RIC1: variants seen among roughly 807,000 people sequenced by gnomAD.
The protein encoded by RIC1 is guanine nucleotide exchange factor subunit RIC1.
RIC1 carries 88 observed loss-of-function variants against 169.0 expected under a neutral mutation model. The observed-to-expected ratio is 0.52, with a 90% CI of 0.44 to 0.62. RIC1 has a LOEUF of 0.62. RIC1 is among the 20% of genes least tolerant of loss of function. The pLI is 0.00. For missense variants in RIC1, 1,877 were observed against 1,725.5 expected, an observed-to-expected ratio of 1.09 and a Z score of -1.56; for synonymous variants, 790 against 601.5, an observed-to-expected ratio of 1.31 and a Z score of -4.59.
At chr9:5,730,428 A>T (rs1824296777) in intron 6 of RIC1, among the ~76,000 whole-genome samples, 2 of 152,194 alleles carry the variant, frequency 1.3e-5, no homozygotes, top group Admixed American at 1.3e-4. Context: ...GATCTTACAG[A>T]CATGGTAAGC....
intron 1 of RIC1, among the ~76,000 whole-genome samples, chr9:5,650,527 C>A (rs555033279): frequency 6.6e-6 from 1 of 151,864 alleles, no homozygotes; most frequent in Admixed American, 6.6e-5. Context: ...GGGTTGGTGT[C>A]GGTGTCAGTA....
chr9:5,690,015 C>T lies in RIC1; in HGVS notation c.309C>T (p.Tyr103=). The change falls in exon 3 of 26, where the codon TAC becomes TAT. Residue 103 remains tyrosine, a synonymous_variant. Coordinates refer to ENST00000414202, the MANE Select transcript of RIC1 (RefSeq NM_020829.4). The part of the protein sequence containing the change: ...FHITSTRGDK[Y]LYEPVYPKGS... Reference sequence around the variant, plus strand: ...TTACATCTACAAGAGGGGACAAGTACCTTTATGAACCAGTGTATCCCAAGT... The same window carrying T: ...TTACATCTACAAGAGGGGACAAGTATCTTTATGAACCAGTGTATCCCAAGT... 6.3e-7 allele frequency: 1 copy of T among 1,598,868 alleles called. No individual in the cohort carries two copies. The highest frequency in any genetic ancestry group is 8.5e-7 in the Non-Finnish European group (1 of 1,174,442).
intron 13 of RIC1, 110 bp downstream of exon 13, chr9:5,753,348 C>T (rs943001293): frequency 9.9e-7 from 1 of 1,011,604 alleles, no homozygotes; most frequent in Middle Eastern, 2.1e-4. Context: ...AACTCTTGAT[C>T]TATTGTAACA....
chr9:5,664,036 A>G (rs1281003007), intron 2 of RIC1, among the ~76,000 whole-genome samples: 1 of 152,180 alleles, frequency 6.6e-6, no homozygotes, highest in Non-Finnish European at 1.5e-5. Flanking sequence ...TTGTCTGAAC[A>G]GGATCTTGTT....
intron 6 of RIC1, among the ~76,000 whole-genome samples, chr9:5,724,244 G>C (rs1462028886): frequency 6.6e-6 from 1 of 152,158 alleles, no homozygotes; most frequent in East Asian, 1.9e-4. Flanking sequence ...TTGAGCAGTG[G>C]TTTGTAGTTC....
intron 12 of RIC1, among the ~76,000 whole-genome samples, chr9:5,750,737 G>C (rs1825671414): frequency 6.6e-6 from 1 of 150,656 alleles, no homozygotes; most frequent in African/African-American, 2.4e-5. Flanking sequence ...CATGACTTCA[G>C]TGCCCTGAGT....
chr9:5,752,720 G>C (rs1825798144), intron 12 of RIC1, among the ~76,000 whole-genome samples: 1 of 152,170 alleles, frequency 6.6e-6, no homozygotes. Flanking sequence ...ACAGGCGTGA[G>C]CAACCACACC....
rs574682711 is a variant in RIC1 at position 5,635,336 on chromosome 9, C to G, written c.144+5883C>G. On this transcript the variant is annotated intron_variant, in intron 1 of 25. Transcript: ENST00000414202. Reference sequence around the variant, plus strand: ...TAACCATCCTTCCTTCCCCCTCCGTCTTTAATCCTTCTTGAGTTGATAGTG... The same window carrying G: ...TAACCATCCTTCCTTCCCCCTCCGTGTTTAATCCTTCTTGAGTTGATAGTG... 1.4e-3 allele frequency among the ~76,000 whole-genome samples: 210 copies of G among 152,240 alleles called. 2 individuals carry two copies. The highest frequency in any genetic ancestry group is 7.2e-4 in the Admixed American group (11 of 15,292).
At chr9:5,646,379 A>C (rs995513619) in intron 1 of RIC1, among the ~76,000 whole-genome samples, 4 of 152,196 alleles carry the variant, frequency 2.6e-5, no homozygotes, top group African/African-American at 4.8e-5. Context: ...TGTTCCTGTC[A>C]ACAGACTGCA....
At chr9:5,759,023 G>A (rs1242273225) in intron 17 of RIC1, among the ~76,000 whole-genome samples, 2 of 151,770 alleles carry the variant, frequency 1.3e-5, no homozygotes, top group South Asian at 2.1e-4. Flanking sequence ...GATTAAGGGC[G>A]TGAGCCATCG....
At chr9:5,639,713 C>T (rs142910916) in intron 1 of RIC1, among the ~76,000 whole-genome samples, 1 of 152,190 alleles carries the variant, frequency 6.6e-6, no homozygotes, top group African/African-American at 2.4e-5. Flanking sequence ...ATATTGAGGT[C>T]TAGCTCTCTC....
intron 6 of RIC1, among the ~76,000 whole-genome samples, chr9:5,722,208 T>C (rs947484267): frequency 2.6e-5 from 4 of 151,310 alleles, no homozygotes; most frequent in South Asian, 2.1e-4. Flanking sequence ...TCTTCTTCTT[T>C]TTTTTTTTTT....
chr9:5,751,693 G>C (rs1251144048), intron 12 of RIC1, among the ~76,000 whole-genome samples: 1 of 152,152 alleles, frequency 6.6e-6, no homozygotes, highest in Non-Finnish European at 1.5e-5. Flanking sequence ...TATTGATTTA[G>C]TTGGATTTTA....
At chr9:5,706,301 A>G (rs1822580760) in intron 3 of RIC1, among the ~76,000 whole-genome samples, 1 of 152,142 alleles carries the variant, frequency 6.6e-6, no homozygotes, top group Admixed American at 6.5e-5. Flanking sequence ...AAAATAAAAA[A>G]ATTAGCTGGG....
At chr9:5,722,346 A>T (rs1428093375) in intron 6 of RIC1, among the ~76,000 whole-genome samples, 1 of 59,208 alleles carries the variant, frequency 1.7e-5, no homozygotes, top group African/African-American at 8.2e-5. Flanking sequence ...TAAGAGAGAG[A>T]GAGTGTGTGT....
At chr9:5,686,822 TATA>T (rs1396041230) in intron 2 of RIC1, among the ~76,000 whole-genome samples, 4 of 152,242 alleles carry the variant, frequency 2.6e-5, no homozygotes, top group African/African-American at 9.6e-5. Flanking sequence ...GGCCTGTAGT[TATA>T]ATGTCTTTGT....
chr9:5,719,603 G>T (rs1194831461), intron 4 of RIC1: 2 of 152,286 alleles, frequency 1.3e-5, no homozygotes, highest in Non-Finnish European at 2.9e-5. Flanking sequence ...CTCCAATACA[G>T]TAGCCACTAG....
chr9:5,644,649 C>T (rs1287795851), intron 1 of RIC1, among the ~76,000 whole-genome samples: 1 of 152,180 alleles, frequency 6.6e-6, no homozygotes, highest in Admixed American at 6.5e-5. Context: ...TTTCTATCTC[C>T]ATTCACCAGT....
rs952111155 is a variant in RIC1, at chr9:5,701,447, T to C, written c.332+11409T>C. Among the ~76,000 whole-genome samples, 16 of 152,204 alleles carry C rather than the reference T, an allele frequency of 1.1e-4. No homozygotes were observed. In the South Asian group the frequency reaches 3.1e-3, roughly 30 times the overall value. On this transcript the variant is annotated intron_variant, in intron 3 of 25. Coordinates refer to ENST00000414202, the MANE Select transcript of RIC1 (RefSeq NM_020829.4). ...ACCAACATAGCAGAACCCCCGTCTC[T>C]ACTAACAATACAAAAATTAGCTGGT...
Sources: allele counts gnomAD v4.1 joint callset (sites outside exome capture counted in the v4.1 genomes callset), GRCh38; gene constraint gnomAD v4.1.1; transcripts MANE v1.5; gene names NCBI Gene and HGNC (gene_info 2026-07-23, HGNC 2026-07-21).